The following ZNF536 variants were observed in gnomAD, a reference collection of about 807,000 sequenced individuals.
ZNF536 encodes zinc finger protein 536.
In ZNF536, 13 loss-of-function variants were observed where a neutral mutation model predicts 84.5. The ratio of observed to expected loss-of-function variants is 0.15; its 90% CI spans 0.10 to 0.24. The LOEUF (loss-of-function observed/expected upper bound fraction) is 0.24. ZNF536 is among the 10% of genes least tolerant of loss of function. ZNF536 has a pLI of 1.00. For missense variants in ZNF536, 1,536 were observed against 1,747.5 expected, an observed-to-expected ratio of 0.88 and a Z score of 2.16; for synonymous variants, 811 against 742.5, an observed-to-expected ratio of 1.09 and a Z score of -1.50.
At chr19:30,398,311 T>C (rs2147455020) in intron 1 of ZNF536, among the ~76,000 whole-genome samples, 1 of 152,290 alleles carries the variant, frequency 6.6e-6, no homozygotes, top group South Asian at 2.1e-4. Context: ...ACCCATCTGT[T>C]TAATTTTCTC....
chr19:30,509,407 T>C (rs1346195940), intron 2 of ZNF536, among the ~76,000 whole-genome samples: 1 of 147,752 alleles, frequency 6.8e-6, no homozygotes, highest in Non-Finnish European at 1.5e-5. Flanking sequence ...TACATAATTA[T>C]ATGTATAACA....
At chr19:30,233,607 C>T (rs947013799) in intron 1 of ZNF536, among the ~76,000 whole-genome samples, 4 of 152,040 alleles carry the variant, frequency 2.6e-5, no homozygotes, top group Non-Finnish European at 5.9e-5. Context: ...CTCAGCCTAC[C>T]AAAGTGTTGG....
intron 1 of ZNF536, among the ~76,000 whole-genome samples, chr19:30,641,637 C>T (rs1474947190): frequency 6.6e-6 from 1 of 152,174 alleles, no homozygotes; most frequent in Non-Finnish European, 1.5e-5. Flanking sequence ...TCTTCACCCT[C>T]GTGCTTTAGA....
intron 1 of ZNF536, among the ~76,000 whole-genome samples, chr19:30,600,042 G>GT (rs60592659): frequency 3.4e-5 from 5 of 148,288 alleles, no homozygotes; most frequent in African/African-American, 1.0e-4. Flanking sequence ...GCTCCTAGCT[G>GT]TTTTTTTTTT....
intron 2 of ZNF536, among the ~76,000 whole-genome samples, chr19:30,318,892 G>A (rs2046767690): frequency 6.6e-6 from 1 of 152,034 alleles, no homozygotes; most frequent in Non-Finnish European, 1.5e-5. Context: ...GTGCCTTTGG[G>A]GCAGTTTGCT....
chr19:30,226,613 C>T (rs1343031926), upstream of ZNF536, among the ~76,000 whole-genome samples: 7 of 152,184 alleles, frequency 4.6e-5, no homozygotes, highest in East Asian at 1.4e-3. The surrounding 1 kb of genome is among the most constrained non-coding windows in gnomAD (Gnocchi z 4.6). Context: ...GCGCAGGCGG[C>T]GCCCGCAGCA....
chr19:30,498,456 C>T (rs780277163), intron 2 of ZNF536, among the ~76,000 whole-genome samples: 11 of 151,830 alleles, frequency 7.2e-5, no homozygotes, highest in Non-Finnish European at 1.0e-4. Context: ...GGTGGGGGGA[C>T]GGAGAGCATT....
chr19:30,520,299 CA>C (rs1334529799), intron 2 of ZNF536, among the ~76,000 whole-genome samples: 1 of 152,122 alleles, frequency 6.6e-6, no homozygotes, highest in Admixed American at 6.5e-5. Flanking sequence ...ATGAGCCAGC[CA>C]GGGGGCTTCC....
chr19:30,462,735 C>G (rs993876538), intron 2 of ZNF536, among the ~76,000 whole-genome samples: 1 of 151,240 alleles, frequency 6.6e-6, no homozygotes, highest in African/African-American at 2.4e-5. Context: ...ATGCATTTGC[C>G]TGTGTTGGAA....
At chr19:30,554,659 T>C (rs1206065184) in intron 4 of ZNF536, 1 of 152,208 alleles carries the variant, frequency 6.6e-6, no homozygotes, top group Non-Finnish European at 1.5e-5. Context: ...ATGGGGTGTC[T>C]GTGGCGACCA....
intron 1 of ZNF536, among the ~76,000 whole-genome samples, chr19:30,675,206 C>T (rs2050709195): frequency 6.6e-6 from 1 of 152,186 alleles, no homozygotes; most frequent in South Asian, 2.1e-4. Context: ...CCATTAGACA[C>T]TTCCACAGAG....
intron 2 of ZNF536, among the ~76,000 whole-genome samples, chr19:30,461,128 A>C (rs1382201875): frequency 6.6e-6 from 1 of 152,116 alleles, no homozygotes; most frequent in African/African-American, 2.4e-5. Context: ...AGAAGGTATC[A>C]CTGGGAATCT....
chr19:30,580,682 A>G (rs2046890184), intron 1 of ZNF536, among the ~76,000 whole-genome samples: 1 of 152,176 alleles, frequency 6.6e-6, no homozygotes, highest in South Asian at 2.1e-4. Flanking sequence ...TCAGGCTCCT[A>G]TGATCCTGTG....
chr19:30,595,903 C>T (rs2146857287), intron 1 of ZNF536, among the ~76,000 whole-genome samples: 1 of 152,190 alleles, frequency 6.6e-6, no homozygotes, highest in East Asian at 1.9e-4. Flanking sequence ...GGAAGAGGGA[C>T]AACTCCTGGG....
chr19:30,687,349 G>A (rs1399531696), intron 1 of ZNF536, among the ~76,000 whole-genome samples: 2 of 152,136 alleles, frequency 1.3e-5, no homozygotes, highest in Non-Finnish European at 2.9e-5. Flanking sequence ...TGATGAATTC[G>A]AGCTCTCACT....
intron 1 of ZNF536, among the ~76,000 whole-genome samples, chr19:30,586,512 G>A (rs1328492103): frequency 6.6e-6 from 1 of 152,202 alleles, no homozygotes; most frequent in Non-Finnish European, 1.5e-5. Context: ...AAAAGCCATG[G>A]AGTTTCCTTC....
chr19:30,277,266 TTTGA>T (rs1365737070), intron 1 of ZNF536, among the ~76,000 whole-genome samples: 1 of 152,170 alleles, frequency 6.6e-6, no homozygotes, highest in Non-Finnish European at 1.5e-5. Context: ...AGGGGTGTAA[TTTGA>T]TTGGCTCTGA....
intron 1 of ZNF536, among the ~76,000 whole-genome samples, chr19:30,412,884 G>A (rs925341652): frequency 1.3e-5 from 2 of 151,722 alleles, no homozygotes; most frequent in African/African-American, 4.8e-5. Context: ...AAATGTAAAT[G>A]TTCGTTATCC....
chr19:30,672,604 C>A (rs2147742836), intron 1 of ZNF536, among the ~76,000 whole-genome samples: 1 of 152,282 alleles, frequency 6.6e-6, no homozygotes. Context: ...GCTCAAGAAT[C>A]TGTTAGTAAG....
Sources: allele counts gnomAD v4.1 joint callset (sites outside exome capture counted in the v4.1 genomes callset), GRCh38; gene constraint gnomAD v4.1.1; non-coding constraint Gnocchi (gnomAD v3.1); transcripts MANE v1.5; gene names NCBI Gene and HGNC (gene_info 2026-07-23, HGNC 2026-07-21).